PTPA: variants seen among roughly 807,000 people sequenced by gnomAD.
The protein encoded by PTPA is serine/threonine-protein phosphatase 2A activator.
Under a neutral mutation model 43.6 loss-of-function variants are expected in PTPA, and 13 were observed. The observed-to-expected ratio is 0.30, with a 90% CI of 0.19 to 0.47. The LOEUF is 0.47. Among genes scored for constraint, PTPA ranks in the 20% least tolerant of loss-of-function variants. The pLI is 0.99. For missense variants in PTPA, 329 were observed against 411.9 expected (o/e 0.80, Z 1.74); for synonymous variants, 172 against 158.2 (o/e 1.09, Z -0.66).
At chr9:129,123,165 C>T (rs1254688407) in intron 3 of PTPA, 27 bp downstream of exon 3, 9 of 1,561,604 alleles carry the variant, frequency 5.8e-6, no homozygotes, top group Non-Finnish European at 7.9e-6. Context: ...GCTGCTGCAG[C>T]AGCCTTTCCA....
intron 8 of PTPA, chr9:129,140,113 C>G (rs868214480): frequency 1.3e-5 from 2 of 152,406 alleles, no homozygotes; most frequent in Admixed American, 6.6e-5. Context: ...TACAAAAGGC[C>G]GATTCTCTGG....
intron 1 of PTPA, among the ~76,000 whole-genome samples, chr9:129,120,040 C>G (rs982297647): frequency 3.9e-5 from 6 of 152,138 alleles, no homozygotes; most frequent in African/African-American, 7.2e-5. Context: ...GGTGGATCAC[C>G]TGAGGTCAGG....
rs548254068 is a variant in PTPA, at chr9:129,137,819, G to T, written c.786+127G>T. The T allele has an allele frequency of 1.0e-3, 926 of 901,194 alleles. 10 individuals carry two copies. In the South Asian group the frequency reaches 0.011, roughly 10 times the overall value. 55.8% of individuals were successfully genotyped at this position (901,194 alleles called of 1,614,324 possible). On this transcript the variant is annotated intron_variant, in intron 8 of 9. Transcript: ENST00000393370. Reference sequence around the variant, plus strand: ...CAAAATGGCAGGGCCGGCCGGAGCGGGTTATTGAAAAGGAAGCACCACTGG... The same window carrying T: ...CAAAATGGCAGGGCCGGCCGGAGCGTGTTATTGAAAAGGAAGCACCACTGG...
At chr9:129,120,483 C>G (rs899238314) in intron 1 of PTPA, 30 bp from the exon 2 acceptor site, 2 of 1,526,052 alleles carry the variant, frequency 1.3e-6, no homozygotes, top group African/African-American at 2.8e-5. Context: ...TTCTATTTAT[C>G]TGTTTGTTTT....
intron 8 of PTPA, 105 bp from the exon 9 acceptor site, chr9:129,142,340 G>GTGTGTGTGTGCGTT: frequency 2.6e-6 from 2 of 778,130 alleles, no homozygotes; most frequent in African/African-American, 4.1e-5. Flanking sequence ...GTGTGCGTTT[G>GTGTGTGTGTGCGTT]TGTGTGTGTG....
At chr9:129,144,933 T>C (rs1851196241) in intron 9 of PTPA, among the ~76,000 whole-genome samples, 1 of 151,296 alleles carries the variant, frequency 6.6e-6, no homozygotes, top group Non-Finnish European at 1.5e-5. Context: ...CTTGGGAGGC[T>C]GAGACGGGAG....
chr9:129,125,119 T>C lies in PTPA; in HGVS notation c.216+1981T>C, dbSNP rs1588499891. Reference sequence around the variant, plus strand: ...TCCTGGAGCCTGTGGTGAGGGATGCTCAGCTGTGCTCAGTGGGCCAGGAAT... The same window carrying C: ...TCCTGGAGCCTGTGGTGAGGGATGCCCAGCTGTGCTCAGTGGGCCAGGAAT... On this transcript the variant is annotated intron_variant, in intron 3 of 9. Coordinates refer to ENST00000393370, the MANE Select transcript of PTPA (RefSeq NM_178000.3). Among the ~76,000 whole-genome samples the C allele has an allele frequency of 2.0e-5, 3 of 152,224 alleles. 1 individual carries two copies. The highest frequency in any genetic ancestry group is 4.2e-4 in the South Asian group (2 of 4,818).
At chr9:129,145,922 C>G (rs1343376590) in intron 9 of PTPA, among the ~76,000 whole-genome samples, 1 of 152,092 alleles carries the variant, frequency 6.6e-6, no homozygotes, top group Non-Finnish European at 1.5e-5. Context: ...GCTGGAGGCT[C>G]CTCCTGCCCT....
At chr9:129,145,397 CTAGCCCT>C (rs1851231433) in intron 9 of PTPA, among the ~76,000 whole-genome samples, 1 of 152,110 alleles carries the variant, frequency 6.6e-6, no homozygotes, top group African/African-American at 2.4e-5. Flanking sequence ...TTACTAGCAA[CTAGCCCT>C]TAGTCCTTGG....
At chr9:129,142,679 A>C (rs1475152416) in intron 9 of PTPA, 127 bp downstream of exon 9, 1 of 1,548,506 alleles carries the variant, frequency 6.5e-7, no homozygotes, top group East Asian at 2.4e-5. Context: ...TCTGAATCTT[A>C]GGCCAGCCCC....
intron 9 of PTPA, among the ~76,000 whole-genome samples, chr9:129,144,041 C>T (rs933008020): frequency 1.3e-5 from 2 of 151,594 alleles, no homozygotes; most frequent in Admixed American, 6.6e-5. Context: ...GTACTGTCTT[C>T]TCTACAAGCC....
intron 1 of PTPA, among the ~76,000 whole-genome samples, chr9:129,115,265 G>A (rs1848790264): frequency 6.6e-6 from 1 of 152,194 alleles, no homozygotes; most frequent in South Asian, 2.1e-4. Context: ...TAGTTGAAGT[G>A]CCAATTTACT....
intron 3 of PTPA, among the ~76,000 whole-genome samples, chr9:129,127,495 C>G (rs1324439841): frequency 2.0e-5 from 3 of 152,242 alleles, no homozygotes; most frequent in Admixed American, 2.0e-4. Flanking sequence ...GGCAGGGACT[C>G]TTTTCTCAGG....
At chr9:129,143,380 C>T in intron 9 of PTPA, 6 of 703,106 alleles carry the variant, frequency 8.5e-6, no homozygotes, top group Admixed American at 4.0e-5. Flanking sequence ...CTCAGGCTGG[C>T]CCTTGTGACT....
intron 9 of PTPA, chr9:129,143,417 T>TG: frequency 1.4e-6 from 1 of 703,028 alleles, no homozygotes; most frequent in South Asian, 1.5e-5. Context: ...CACTGTACTG[T>TG]GGGCACCATC....
At chr9:129,132,986 C>T (rs1376725416) in intron 5 of PTPA, among the ~76,000 whole-genome samples, 1 of 152,078 alleles carries the variant, frequency 6.6e-6, no homozygotes, top group African/African-American at 2.4e-5. Flanking sequence ...AGGGCATGGC[C>T]TGTGGAGCCA....
At chr9:129,146,433 G>A (rs1258520771) in intron 9 of PTPA, among the ~76,000 whole-genome samples, 1 of 152,212 alleles carries the variant, frequency 6.6e-6, no homozygotes, top group Non-Finnish European at 1.5e-5. Context: ...GCACCCGTTT[G>A]TCTCTAAGTT....
intron 6 of PTPA, 109 bp downstream of exon 6, chr9:129,135,003 C>T: frequency 1.1e-6 from 1 of 879,216 alleles, no homozygotes; most frequent in Non-Finnish European, 1.8e-6. Flanking sequence ...GCTCATGGTT[C>T]TCTTGTCCTG....
intron 4 of PTPA, 59 bp from the exon 5 acceptor site, chr9:129,131,463 C>T: frequency 6.6e-7 from 1 of 1,514,208 alleles, no homozygotes; most frequent in Non-Finnish European, 9.2e-7. Flanking sequence ...CCCTGGGCAC[C>T]TGCCCACTGG....
Sources: allele counts gnomAD v4.1 joint callset (sites outside exome capture counted in the v4.1 genomes callset), GRCh38; gene constraint gnomAD v4.1.1; transcripts MANE v1.5; gene names NCBI Gene and HGNC (gene_info 2026-07-23, HGNC 2026-07-21).